The following METTL8 variants were observed in gnomAD, a reference collection of about 807,000 sequenced individuals.
METTL8 encodes the protein methyltransferase 8, tRNA N3-cytidine.
In METTL8, 32 loss-of-function variants were observed where a neutral mutation model predicts 48.7. That is an observed-to-expected ratio of 0.66 (90% CI 0.50 to 0.88). The LOEUF is 0.88. Ranked by LOEUF, METTL8 falls within the 40% of genes least tolerant of loss-of-function variation. The probability of loss-of-function intolerance (pLI) is 0.00; values close to 1 mark genes in which losing one functional copy is unlikely to be tolerated. For synonymous variants in METTL8, 136 were observed against 157.1 expected (o/e 0.87, Z 1.01); for missense variants, 464 against 474.4 (o/e 0.98, Z 0.20).
Position 171,339,292 on chromosome 2 carries a change from T to C in METTL8, c.498A>G (p.Gln166=). Residue 166 remains glutamine (Q), a synonymous_variant, in exon 4 of 10, where the codon CAA becomes CAG. Coordinates refer to ENST00000375258, the MANE Select transcript of METTL8 (RefSeq NM_001321154.2). Reference sequence around the variant, plus strand: ...TGGAAAAATCAGATTCTGTTTTGCTTTGACCTTCTGAAGAACCAGAACTTT... The same window carrying C: ...TGGAAAAATCAGATTCTGTTTTGCTCTGACCTTCTGAAGAACCAGAACTTT... ...YEKSSGSSEG[Q]SKTESDFSNL... is the part of the protein sequence containing the mutation. 2 of 1,613,282 alleles carry C rather than the reference T, an allele frequency of 1.2e-6. No individual in the cohort carries two copies. The highest frequency in any genetic ancestry group is 8.5e-7 in the Non-Finnish European group (1 of 1,179,486).
At chr2:171,337,027 C>T (rs1338474225) in intron 5 of METTL8, among the ~76,000 whole-genome samples, 1 of 151,910 alleles carries the variant, frequency 6.6e-6, no homozygotes, top group Non-Finnish European at 1.5e-5. Context: ...GCCACCATGC[C>T]TGGCTAATTT....
chr2:171,428,955 T>G (rs1401415675), intron 1 of METTL8, among the ~76,000 whole-genome samples: 1 of 152,054 alleles, frequency 6.6e-6, no homozygotes, highest in Admixed American at 6.6e-5. Context: ...GGCAAGATAA[T>G]GAAAACATGG....
intron 1 of METTL8, among the ~76,000 whole-genome samples, chr2:171,431,326 C>A (rs1227129854): frequency 6.6e-6 from 1 of 152,136 alleles, no homozygotes; most frequent in Admixed American, 6.6e-5. Context: ...GGTGGAGCCT[C>A]CAGAAATTTG....
At chr2:171,360,318 G>T in intron 3 of METTL8, 104 bp downstream of exon 3, 3 of 829,722 alleles carry the variant, frequency 3.6e-6, no homozygotes, top group Non-Finnish European at 5.6e-6. Context: ...GGAACAAGTG[G>T]ACTGGCATCA....
At chr2:171,332,740 T>C (rs1490540606) in intron 5 of METTL8, 1 of 152,184 alleles carries the variant, frequency 6.6e-6, no homozygotes, top group East Asian at 1.9e-4. Flanking sequence ...GGGGACATAA[T>C]TGGTTTTATA....
At chr2:171,340,633 A>C (rs1167119258) in intron 3 of METTL8, among the ~76,000 whole-genome samples, 2 of 152,182 alleles carry the variant, frequency 1.3e-5, no homozygotes, top group East Asian at 3.8e-4. Flanking sequence ...TTTCAGCATA[A>C]ATGCAAATTG....
At chr2:171,421,361 C>T (rs1286010945) in intron 1 of METTL8, among the ~76,000 whole-genome samples, 1 of 152,118 alleles carries the variant, frequency 6.6e-6, no homozygotes, top group East Asian at 1.9e-4. Flanking sequence ...ATGACTTGAG[C>T]CTAGGAGTTT....
At chr2:171,348,957 G>A (rs1334600168) in intron 3 of METTL8, among the ~76,000 whole-genome samples, 3 of 152,126 alleles carry the variant, frequency 2.0e-5, no homozygotes, top group Non-Finnish European at 4.4e-5. Context: ...TGCAGGCCAA[G>A]TTCTTTTGTT....
intron 1 of METTL8, among the ~76,000 whole-genome samples, chr2:171,408,493 T>G (rs567431365): frequency 6.6e-6 from 1 of 152,194 alleles, no homozygotes; most frequent in South Asian, 2.1e-4. Flanking sequence ...GGTTTCTCCA[T>G]GTTGGTCAGG....
At chr2:171,434,050 G>C (rs985684605), upstream of METTL8, 4 of 288,980 alleles carry the variant, frequency 1.4e-5, no homozygotes, top group African/African-American at 2.4e-5. Flanking sequence ...CGGAGACCTG[G>C]AGGCGGCAGC....
intron 3 of METTL8, among the ~76,000 whole-genome samples, chr2:171,357,425 A>G (rs1684704658): frequency 1.3e-5 from 2 of 152,208 alleles, no homozygotes; most frequent in Admixed American, 6.6e-5. Context: ...AAGCAATCCC[A>G]TTTCCAATAG....
intron 2 of METTL8, among the ~76,000 whole-genome samples, chr2:171,378,537 CAGA>C (rs1447826226): frequency 2.0e-5 from 3 of 152,088 alleles, no homozygotes; most frequent in African/African-American, 7.2e-5. Flanking sequence ...GAAGCTGAGG[CAGA>C]AGAATTGCTT....
In METTL8 at chr2:171,359,653, G is replaced by A. The variant is rs1231130794; in HGVS notation, c.235+769C>T. On this transcript the variant is annotated intron_variant, in intron 3 of 9. Transcript: ENST00000375258. ...TTTTTAGACGGAGTCTCGCTCTGTC[G>A]CCAGGCTGGAGTACAGTGGTGTGAT... 8.0e-5 allele frequency among the ~76,000 whole-genome samples: 12 copies of A among 150,918 alleles called. No homozygotes were observed. In the East Asian group the frequency reaches 1.2e-3, roughly 15 times the overall value.
intron 2 of METTL8, among the ~76,000 whole-genome samples, chr2:171,369,933 G>A (rs944905328): frequency 6.6e-6 from 1 of 152,038 alleles, no homozygotes; most frequent in Non-Finnish European, 1.5e-5. Context: ...GGGCATGGTG[G>A]TGCATGCCTA....
chr2:171,406,669 T>G (rs1455534929), intron 1 of METTL8, among the ~76,000 whole-genome samples: 1 of 152,150 alleles, frequency 6.6e-6, no homozygotes, highest in South Asian at 2.1e-4. Flanking sequence ...AGTCACATTG[T>G]GGGGTAGGCC....
chr2:171,431,297 G>A lies in METTL8; in HGVS notation c.-13+2586C>T, dbSNP rs566876002. ...GGAGTAGCTCAGACTAAGGGCCCAC[G>A]AGCACACTGGAAGGATGGGGTGGAG... On this transcript the variant is annotated intron_variant, in intron 1 of 9. Transcript: ENST00000375258. Among the ~76,000 whole-genome samples, 5 of 152,244 alleles carry A rather than the reference G, an allele frequency of 3.3e-5. No individual in the cohort carries two copies. In the East Asian group the frequency reaches 7.7e-4, roughly 23 times the overall value.
chr2:171,395,340 T>C (rs781356176), intron 1 of METTL8, among the ~76,000 whole-genome samples: 3 of 152,104 alleles, frequency 2.0e-5, no homozygotes, highest in Admixed American at 6.6e-5. Flanking sequence ...AATACCAAGA[T>C]AGCATATGTA....
chr2:171,369,292 C>T (rs1196563274), intron 2 of METTL8, among the ~76,000 whole-genome samples: 14 of 152,114 alleles, frequency 9.2e-5, no homozygotes, highest in Non-Finnish European at 1.8e-4. Context: ...GGCAAGAGAG[C>T]GAGACTCTGT....
intron 2 of METTL8, among the ~76,000 whole-genome samples, chr2:171,365,540 T>C (rs1031241285): frequency 1.3e-5 from 2 of 152,178 alleles, no homozygotes; most frequent in African/African-American, 4.8e-5. Context: ...TAAACTCTTA[T>C]TCAGTTTCTT....
Sources: gnomAD v4.1 joint callset for allele counts (sites outside exome capture counted in the v4.1 genomes callset) on GRCh38, gnomAD v4.1.1 for gene constraint, MANE v1.5 for transcripts, NCBI Gene and HGNC (gene_info 2026-07-23, HGNC 2026-07-21) for gene names.